The following PMFBP1 variants were observed in gnomAD, a reference collection of about 807,000 sequenced individuals.
PMFBP1 encodes the protein polyamine-modulated factor 1-binding protein 1.
Under a neutral mutation model 137.8 loss-of-function variants are expected in PMFBP1, and 131 were observed. The observed-to-expected ratio is 0.95, with a 90% CI of 0.82 to 1.10. The LOEUF is 1.10. PMFBP1 is among the 50% of genes least tolerant of loss of function. The pLI is 0.00. For synonymous variants in PMFBP1, 490 were observed against 450.4 expected, an observed-to-expected ratio of 1.09 and a Z score of -1.11; for missense variants, 1,199 against 1,175.4, an observed-to-expected ratio of 1.02 and a Z score of -0.29.
chr16:72,182,359 G>C, the PMFBP1 span, among the ~76,000 whole-genome samples: 4 of 152,090 alleles, frequency 2.6e-5, no homozygotes, highest in Admixed American at 2.6e-4. Flanking sequence ...AGCCAGGCAT[G>C]GTGGTGCACA....
chr16:72,200,737 A>G, the PMFBP1 span, among the ~76,000 whole-genome samples: 3 of 152,240 alleles, frequency 2.0e-5, no homozygotes, highest in Non-Finnish European at 4.4e-5. Flanking sequence ...AAGTACTTTC[A>G]TAACTATTAC....
chr16:72,212,338 G>C, the PMFBP1 span, among the ~76,000 whole-genome samples: 2 of 152,144 alleles, frequency 1.3e-5, no homozygotes, highest in East Asian at 1.9e-4. Context: ...TAGAAAATAA[G>C]AGAGAACAGA....
At chr16:72,125,137 C>A (rs2042435246) in intron 16 of PMFBP1, 101 bp downstream of exon 16, 3 of 1,466,650 alleles carry the variant, frequency 2.0e-6, no homozygotes, top group Non-Finnish European at 2.8e-6. Context: ...GGGAACCTAG[C>A]AGCCCAAGGG....
intron 4 of PMFBP1, 90 bp from the exon 5 acceptor site, chr16:72,150,919 T>C: frequency 8.9e-7 from 1 of 1,126,730 alleles, no homozygotes; most frequent in Non-Finnish European, 1.3e-6. Context: ...AGAGAAGTCT[T>C]GTATCTGAAC....
chr16:72,150,663 A>T lies in PMFBP1; in HGVS notation c.581T>A (p.Leu194Ter), dbSNP rs755542963. The T allele has an allele frequency of 5.0e-6, 8 of 1,614,036 alleles. No individual in the cohort carries two copies. The South Asian group carries it at 7.7e-5, about 16-fold the overall frequency. ...KYQSSLSNIELLECQVKMLQG... is the reference protein window; with the variant it reads ...KYQSSLSNIE ...CAACATCTTCACTTGGCATTCTAGT[A>T]ACTCGATGTTGCTCAGGGAAGACTG... is the stretch of plus-strand genomic sequence containing the variant. Residue 194 changes from leucine to a stop codon, truncating the protein, a stop_gained, in exon 5 of 21, where the codon TTA (leucine) becomes TAA (stop). Coordinates refer to ENST00000237353, the MANE Select transcript of PMFBP1 (RefSeq NM_031293.3). LOFTEE classifies it high-confidence loss of function.
At chr16:72,149,682 G>A (rs529408273) in intron 5 of PMFBP1, among the ~76,000 whole-genome samples, 6 of 152,176 alleles carry the variant, frequency 3.9e-5, no homozygotes, top group South Asian at 2.1e-4. Flanking sequence ...AACTGGCCGG[G>A]CATGGTGGCG....
chr16:72,197,780 C>A, the PMFBP1 span, among the ~76,000 whole-genome samples: 3 of 152,312 alleles, frequency 2.0e-5, no homozygotes, highest in Admixed American at 2.0e-4. Context: ...GCTGAAATTG[C>A]AGCAGTGTGC....
At chr16:72,203,974 T>G in the PMFBP1 span, among the ~76,000 whole-genome samples, 1 of 152,172 alleles carries the variant, frequency 6.6e-6, no homozygotes, top group Non-Finnish European at 1.5e-5. Flanking sequence ...AGAGCCACCA[T>G]TCTGCCAGGG....
At chr16:72,219,274 A>G in the PMFBP1 span, among the ~76,000 whole-genome samples, 1 of 152,128 alleles carries the variant, frequency 6.6e-6, no homozygotes, top group African/African-American at 2.4e-5. Flanking sequence ...TTTTACTTGT[A>G]TTAGAAAGAC....
chr16:72,166,499 A>G (rs903779184), intron 2 of PMFBP1, among the ~76,000 whole-genome samples: 1 of 152,114 alleles, frequency 6.6e-6, no homozygotes, highest in Non-Finnish European at 1.5e-5. Flanking sequence ...CTAATACAGT[A>G]CCTATCTCTT....
chr16:72,140,735 C>G (rs1172162683), intron 5 of PMFBP1, among the ~76,000 whole-genome samples, 153 bp from the exon 6 acceptor site: 5 of 152,014 alleles, frequency 3.3e-5, no homozygotes, highest in African/African-American at 1.2e-4. Flanking sequence ...AAAATATTAA[C>G]TAGTGCATAT....
chr16:72,132,296 A>G (rs2042560731), intron 10 of PMFBP1, among the ~76,000 whole-genome samples: 2 of 152,202 alleles, frequency 1.3e-5, no homozygotes, highest in Admixed American at 1.3e-4. Context: ...CTGAGAAAGC[A>G]GGCTCTGTGG....
intron 3 of PMFBP1, among the ~76,000 whole-genome samples, chr16:72,155,128 A>G (rs759318521): frequency 9.2e-5 from 14 of 152,196 alleles, no homozygotes; most frequent in South Asian, 2.1e-4. Context: ...TCATTCATTC[A>G]TTCACTCAAC....
At chr16:72,208,454 C>T in the PMFBP1 span, among the ~76,000 whole-genome samples, 6 of 152,346 alleles carry the variant, frequency 3.9e-5, no homozygotes, top group Non-Finnish European at 8.8e-5. Context: ...TTCTGTCATT[C>T]CTTTTCCCCC....
the PMFBP1 span, among the ~76,000 whole-genome samples, chr16:72,220,064 G>C: frequency 1.6e-4 from 25 of 152,286 alleles, no homozygotes; most frequent in East Asian, 2.1e-3. Flanking sequence ...TGAAGAAACA[G>C]ACACACTCAC....
chr16:72,212,377 G>C, the PMFBP1 span, among the ~76,000 whole-genome samples: 3 of 152,046 alleles, frequency 2.0e-5, no homozygotes, highest in East Asian at 1.9e-4. Context: ...AACCTGTCTA[G>C]AAGAGGTTGG....
chr16:72,187,112 C>CA, the PMFBP1 span, among the ~76,000 whole-genome samples: 14,289 of 112,728 alleles, frequency 0.13, 899 homozygotes, highest in East Asian at 0.22. Context: ...GACTCCATCT[C>CA]AAAAAAAAAA....
chr16:72,139,541 G>A, intron 6 of PMFBP1, 142 bp from the exon 7 acceptor site: 1 of 697,822 alleles, frequency 1.4e-6, no homozygotes, highest in Admixed American at 2.2e-5. Context: ...TGTGGGGTAG[G>A]TAGGGAGAAG....
chr16:72,179,963 G>A (rs1176924382), upstream of PMFBP1, among the ~76,000 whole-genome samples: 8 of 152,130 alleles, frequency 5.3e-5, no homozygotes, highest in African/African-American at 1.9e-4. Context: ...TGGTGTGTTC[G>A]AGGGGTGGGG....
Sources: allele counts gnomAD v4.1 joint callset (sites outside exome capture counted in the v4.1 genomes callset), GRCh38; gene constraint gnomAD v4.1.1; transcripts MANE v1.5; gene names NCBI Gene and HGNC (gene_info 2026-07-23, HGNC 2026-07-21).